The following ANKRD28 variants were observed in gnomAD, a reference collection of about 807,000 sequenced individuals.
The protein encoded by ANKRD28 is serine/threonine-protein phosphatase 6 regulatory ankyrin repeat subunit A.
A neutral mutation model predicts 126.5 loss-of-function variants in ANKRD28; 44 were observed. The observed-to-expected ratio is 0.35, with a 90% CI of 0.27 to 0.45. The LOEUF is 0.45. Among genes scored for constraint, ANKRD28 ranks in the 20% least tolerant of loss-of-function variants. The pLI, the probability that ANKRD28 is intolerant of heterozygous loss-of-function variation, is 1.00. For missense variants in ANKRD28, 1,110 were observed against 1,316.6 expected (o/e 0.84, Z 2.43); for synonymous variants, 442 against 468.5 (o/e 0.94, Z 0.73).
At chr3:15,743,583 C>T (rs1301190304) in intron 4 of ANKRD28, among the ~76,000 whole-genome samples, 6 of 150,778 alleles carry the variant, frequency 4.0e-5, no homozygotes, top group African/African-American at 1.5e-4. Context: ...CACACACACA[C>T]ACACACACAC....
chr3:15,714,858 C>T (rs2072814641), intron 8 of ANKRD28, among the ~76,000 whole-genome samples: 1 of 151,994 alleles, frequency 6.6e-6, no homozygotes, highest in South Asian at 2.1e-4. Context: ...CACAAATATA[C>T]AAAAATTCCA....
At chr3:15,720,805 A>G (rs1167572528) in intron 8 of ANKRD28, 110 bp downstream of exon 8, 15 of 957,200 alleles carry the variant, frequency 1.6e-5, no homozygotes, top group Non-Finnish European at 2.2e-5. Flanking sequence ...AGATTTATCC[A>G]TGTTCTTGAG....
At chr3:15,731,722 C>T (rs1358868899) in intron 6 of ANKRD28, among the ~76,000 whole-genome samples, 4 of 151,504 alleles carry the variant, frequency 2.6e-5, no homozygotes, top group East Asian at 1.9e-4. Context: ...TGGTGGCAGG[C>T]GCCTGTAGTC....
chr3:15,689,902 T>TG (rs2068590870), intron 18 of ANKRD28, 117 bp downstream of exon 18: 1 of 904,832 alleles, frequency 1.1e-6, no homozygotes, highest in Admixed American at 2.9e-5. Context: ...ATATATGATT[T>TG]GAAAAAAAAA....
At chr3:15,676,245 A>C in intron 26 of ANKRD28, 2 of 360,172 alleles carry the variant, frequency 5.6e-6, no homozygotes, top group Non-Finnish European at 4.9e-6. Flanking sequence ...CCTTCACCCA[A>C]TCCTTTTGTT....
chr3:15,706,360 G>A (rs1307662141), intron 14 of ANKRD28, among the ~76,000 whole-genome samples: 3 of 68,390 alleles, frequency 4.4e-5, no homozygotes, highest in Non-Finnish European at 8.5e-5. Context: ...TTGTCCTTGC[G>A]ATAGTTTGCT....
intron 1 of ANKRD28, among the ~76,000 whole-genome samples, chr3:15,819,682 T>A (rs1041428168): frequency 6.6e-6 from 1 of 152,212 alleles, no homozygotes; most frequent in Non-Finnish European, 1.5e-5. Context: ...CACAGATGAA[T>A]CAGATGCATA....
intron 4 of ANKRD28, among the ~76,000 whole-genome samples, chr3:15,740,029 TAAAC>T (rs3989166): frequency 0.038 from 5,744 of 152,246 alleles, 166 homozygotes; most frequent in Non-Finnish European, 0.053. Context: ...GAAAAATGGA[TAAAC>T]AAACAGTATA....
chr3:15,758,712 C>T lies in ANKRD28; in HGVS notation c.281-6892G>A, dbSNP rs535530270. ...GGCACCTTGATCTCAGACTTACAGC[C>T]TCCAGAACTTTGAGTAAATAAATTT... is the stretch of plus-strand genomic sequence containing the variant. On this transcript the variant is annotated intron_variant, in intron 3 of 27. Transcript: ENST00000683139. Among the ~76,000 whole-genome samples, 7 of 152,276 alleles carry T rather than the reference C, an allele frequency of 4.6e-5. 1 individual carries two copies. The South Asian group carries it at 6.2e-4, about 14-fold the overall frequency.
intron 1 of ANKRD28, among the ~76,000 whole-genome samples, chr3:15,828,201 G>GA (rs759315423): frequency 1.4e-4 from 21 of 152,284 alleles, no homozygotes; most frequent in Middle Eastern, 3.4e-3. Context: ...AATTAGATCT[G>GA]AAAGAATGAC....
At chr3:15,795,093 T>C in intron 2 of ANKRD28, 130 bp downstream of exon 2, 1 of 666,584 alleles carries the variant, frequency 1.5e-6, no homozygotes, top group Non-Finnish European at 2.6e-6. Context: ...TTTGCCTCAA[T>C]ACCTTCCTGC....
chr3:15,679,235 G>A, intron 23 of ANKRD28, 66 bp downstream of exon 23: 1 of 1,472,160 alleles, frequency 6.8e-7, no homozygotes, highest in East Asian at 2.3e-5. Flanking sequence ...CTCCCAGATT[G>A]TTAGGATTAT....
At chr3:15,679,090 T>TC (rs1262926393) in intron 23 of ANKRD28, among the ~76,000 whole-genome samples, 3 of 152,004 alleles carry the variant, frequency 2.0e-5, no homozygotes, top group African/African-American at 7.2e-5. Flanking sequence ...TCCTCCTGCC[T>TC]CAGCCTCCTG....
At chr3:15,850,224 T>TATATATATATATATATATAGAG (rs1418223588) in intron 1 of ANKRD28, among the ~76,000 whole-genome samples, 23 of 35,090 alleles carry the variant, frequency 6.6e-4, no homozygotes, top group Non-Finnish European at 1.2e-3. Flanking sequence ...TATATATATA[T>TATATATATATATATATATAGAG]AGAGAGAGAG....
At chr3:15,761,761 T>C (rs1186036862) in intron 3 of ANKRD28, among the ~76,000 whole-genome samples, 1 of 152,326 alleles carries the variant, frequency 6.6e-6, no homozygotes, top group East Asian at 1.9e-4. Context: ...GTATATCTTC[T>C]GTAAAACTGT....
intron 1 of ANKRD28, among the ~76,000 whole-genome samples, chr3:15,840,255 A>C (rs2061400799): frequency 6.6e-6 from 1 of 152,244 alleles, no homozygotes; most frequent in Non-Finnish European, 1.5e-5. Context: ...GCTAACAGCA[A>C]ACAATCTGAA....
At chr3:15,809,670 G>A (rs2060666437) in intron 1 of ANKRD28, among the ~76,000 whole-genome samples, 1 of 152,232 alleles carries the variant, frequency 6.6e-6, no homozygotes, top group East Asian at 1.9e-4. Context: ...CTGCTTGCCT[G>A]GCCAGTAAAT....
At position 15,691,037 on chromosome 3, in the gene ANKRD28, A is replaced by T. The variant is rs74874389; in HGVS notation, c.1762-817T>A. Among the ~76,000 whole-genome samples, 604 of 152,324 alleles carry T rather than the reference A, an allele frequency of 4.0e-3. 4 individuals carry two copies. Among genetic ancestry groups the T allele is most frequent in the East Asian group, 0.017 (90 of 5,184 alleles). On this transcript the variant is annotated intron_variant, in intron 17 of 27. Coordinates refer to ENST00000683139, the MANE Select transcript of ANKRD28 (RefSeq NM_001349278.2). ...TAATTCTTTTAGCAAAGAAATGCAT[A>T]ACCGAGCCCTGCTTGAATATCACCA...
At chr3:15,763,127 C>T (rs758159475) in intron 3 of ANKRD28, among the ~76,000 whole-genome samples, 1 of 152,214 alleles carries the variant, frequency 6.6e-6, no homozygotes, top group African/African-American at 2.4e-5. Context: ...GCTAATTTTA[C>T]TCCAAACCCA....
Sources: allele counts gnomAD v4.1 joint callset (sites outside exome capture counted in the v4.1 genomes callset), GRCh38; gene constraint gnomAD v4.1.1; transcripts MANE v1.5; gene names NCBI Gene and HGNC (gene_info 2026-07-23, HGNC 2026-07-21).